Variants in DMD observed in about 807,000 individuals in gnomAD.
DMD encodes mutant dystrophin.
Under a neutral mutation model 330.1 loss-of-function variants are expected in DMD, and 63 were observed. That is an observed-to-expected ratio of 0.19 (90% confidence interval 0.16 to 0.24). DMD has a LOEUF of 0.24. DMD is among the 10% of genes least tolerant of loss of function. The probability of loss-of-function intolerance (pLI) is 1.00; values close to 1 mark genes in which losing one functional copy is unlikely to be tolerated. For missense variants in DMD, 3,344 were observed against 2,684.1 expected (o/e 1.25, Z -5.43); for synonymous variants, 1,223 against 959.8 (o/e 1.27, Z -5.07).
intron 2 of DMD, among the ~76,000 whole-genome samples, chrX:32,915,675 G>C (rs1056586903): frequency 3.6e-5 from 4 of 112,001 alleles, no homozygotes; most frequent in African/African-American, 1.3e-4. Flanking sequence ...ATTAGTAATT[G>C]TTCCTCACTT....
At chrX:33,323,195 T>C (rs1463288889) in intron 1 of DMD, among the ~76,000 whole-genome samples, 2 of 112,025 alleles carry the variant, frequency 1.8e-5, no homozygotes, top group Non-Finnish European at 3.8e-5. Flanking sequence ...CCTAATTAAT[T>C]GATTAGGAAA....
At chrX:32,282,693 C>T (rs975764222) in intron 43 of DMD, among the ~76,000 whole-genome samples, 4 of 112,005 alleles carry the variant, frequency 3.6e-5, no homozygotes, top group East Asian at 2.8e-4. Context: ...TCATCTAAAG[C>T]GTAATGTCTG....
intron 63 of DMD, among the ~76,000 whole-genome samples, chrX:31,258,211 G>C (rs778536259): frequency 9.8e-5 from 11 of 112,518 alleles, no homozygotes; most frequent in Non-Finnish European, 2.1e-4. Context: ...GACAAATCCA[G>C]GTGTAGCCCC....
At chrX:32,140,298 T>C (rs992185668) in intron 44 of DMD, among the ~76,000 whole-genome samples, 18 of 112,211 alleles carry the variant, frequency 1.6e-4, no homozygotes, top group African/African-American at 5.5e-4. Flanking sequence ...AATTATAACA[T>C]ATTGATTTTT....
chrX:33,312,224 C>T lies in DMD; in HGVS notation c.7+27035G>A. On this transcript the variant is annotated intron_variant, in intron 1 of 17. Transcript: ENST00000288447. The stretch of plus-strand genomic sequence containing the variant: ...GAACTGCATGGGTCCACTTACATGC[C>T]ATTTTTTTCAACCAGACTCAGATCA... Among the ~76,000 whole-genome samples, 2 of 110,477 alleles carry T rather than the reference C, an allele frequency of 1.8e-5. 1 individual carries two copies. The highest frequency in any genetic ancestry group is 3.8e-5 in the Non-Finnish European group (2 of 52,823).
At chrX:32,062,641 T>C (rs1239528035) in intron 44 of DMD, among the ~76,000 whole-genome samples, 3 of 111,261 alleles carry the variant, frequency 2.7e-5, no homozygotes, top group African/African-American at 9.8e-5. Flanking sequence ...GGGAATACGT[T>C]TCTTAAAAAG....
chrX:32,566,005 C>A, intron 15 of DMD, 124 bp from the exon 16 acceptor site: 1 of 597,450 alleles, frequency 1.7e-6, no homozygotes, highest in South Asian at 2.8e-5. Context: ...ATCGTGCCCG[C>A]AAAGGATCAA....
At chrX:32,668,452 T>C (rs1358108227) in intron 9 of DMD, among the ~76,000 whole-genome samples, 1 of 111,989 alleles carries the variant, frequency 8.9e-6, no homozygotes, top group African/African-American at 3.2e-5. Flanking sequence ...TCATGAGAAA[T>C]CATGTTTTTG....
At chrX:32,863,583 CAT>C (rs2082258729) in intron 2 of DMD, among the ~76,000 whole-genome samples, 2 of 100,009 alleles carry the variant, frequency 2.0e-5, no homozygotes, top group African/African-American at 7.8e-5. Flanking sequence ...CAAATACACA[CAT>C]ATACCATGAC....
At chrX:33,095,800 G>T (rs2095149783) in intron 1 of DMD, among the ~76,000 whole-genome samples, 1 of 110,370 alleles carries the variant, frequency 9.1e-6, no homozygotes, top group Non-Finnish European at 1.9e-5. Context: ...CATACAAATT[G>T]TTAGAAATCA....
intron 67 of DMD, among the ~76,000 whole-genome samples, chrX:31,200,936 A>G (rs939570048): frequency 1.6e-4 from 18 of 112,026 alleles, no homozygotes; most frequent in African/African-American, 5.5e-4. Flanking sequence ...AAATGTTCAA[A>G]GAAGAAAACT....
intron 1 of DMD, among the ~76,000 whole-genome samples, chrX:33,182,196 A>T (rs2050034209): frequency 8.9e-6 from 1 of 112,125 alleles, no homozygotes; most frequent in African/African-American, 3.2e-5. Flanking sequence ...AAAGAGAAGG[A>T]CGTCGCTATT....
intron 60 of DMD, among the ~76,000 whole-genome samples, chrX:31,388,542 G>A (rs1369600583): frequency 1.8e-5 from 2 of 111,504 alleles, no homozygotes. Context: ...TAATTAAAGC[G>A]AAAAAAGACA....
intron 29 of DMD, 103 bp downstream of exon 29, chrX:32,438,131 CCTGAAAG>C (rs1158282816): frequency 1.2e-6 from 1 of 849,395 alleles, no homozygotes; most frequent in Non-Finnish European, 1.7e-6. Context: ...GTCTCTGAAA[CCTGAAAG>C]CTGAGCTAAT....
chrX:31,378,626 C>A (rs2060004083), intron 60 of DMD, among the ~76,000 whole-genome samples: 1 of 109,670 alleles, frequency 9.1e-6, no homozygotes, highest in Admixed American at 9.7e-5. Flanking sequence ...GCGGCAAGTA[C>A]CGCTTTTCTC....
chrX:32,734,057 T>C (rs376584708), intron 7 of DMD, among the ~76,000 whole-genome samples: 2 of 105,504 alleles, frequency 1.9e-5, no homozygotes, highest in African/African-American at 3.5e-5. Context: ...ATCAAATAGA[T>C]GCAATAAAAA....
chrX:31,180,576 G>C (rs1475081649), intron 68 of DMD, 95 bp from the exon 69 acceptor site: 3 of 632,487 alleles, frequency 4.7e-6, no homozygotes, highest in Non-Finnish European at 7.8e-6. Context: ...TCTAATTTGA[G>C]AAACAGAAAG....
chrX:32,665,291 A>C (rs1461485228), intron 9 of DMD, among the ~76,000 whole-genome samples: 2 of 111,576 alleles, frequency 1.8e-5, no homozygotes, highest in Non-Finnish European at 3.8e-5. Flanking sequence ...TGGAATCAAA[A>C]TATCTAGACT....
At position 31,333,407 on chromosome X, in the gene DMD, CTTTTTTT is replaced by C. The variant is rs145925904; in HGVS notation, c.9164-9756_9164-9750del. On this transcript the variant is annotated intron_variant, in intron 61 of 78. Coordinates refer to ENST00000357033, the MANE Select transcript of DMD (RefSeq NM_004006.3). ...AAGACATAAGCCTTGCTGCCCCCGC[CTTTTTTT>C]TTTTTTTTTTTTTTTTTTTGCCTGA... Among the ~76,000 whole-genome samples the C allele has an allele frequency of 2.8e-4, 11 of 39,336 alleles. No homozygotes were observed. In the Admixed American group the frequency reaches 3.5e-3, roughly 13 times the overall value. The allele number at this position is 39,336 out of a possible 115,157, so 34.2% of individuals were successfully genotyped here.
Sources: allele counts gnomAD v4.1 joint callset (sites outside exome capture counted in the v4.1 genomes callset), GRCh38; gene constraint gnomAD v4.1.1; transcripts MANE v1.5; gene names NCBI Gene and HGNC (gene_info 2026-07-23, HGNC 2026-07-21).